The following SPRR2G variants were observed in gnomAD, a reference collection of about 807,000 sequenced individuals.
The protein encoded by SPRR2G is small proline rich protein 2G.
SPRR2G carries 1 observed loss-of-function variant against 0.7 expected under a neutral mutation model. The ratio of observed to expected loss-of-function variants is 1.49; its 90% CI spans 0.53 to 7.06. SPRR2G has a LOEUF of 7.06. SPRR2G is among the 30% of genes most tolerant of loss of function. The probability of loss-of-function intolerance (pLI) is 0.14; values close to 1 mark genes in which losing one functional copy is unlikely to be tolerated. For synonymous variants in SPRR2G, 38 were observed against 33.9 expected (o/e 1.12, Z -0.42); for missense variants, 96 against 88.5 (o/e 1.09, Z -0.34).
chr1:153,162,423 A>T, the SPRR2G span, among the ~76,000 whole-genome samples: 1 of 152,180 alleles, frequency 6.6e-6, no homozygotes, highest in Non-Finnish European at 1.5e-5. Flanking sequence ...TGGAGCAGGG[A>T]GCTACCCAGA....
the SPRR2G span, among the ~76,000 whole-genome samples, chr1:153,159,616 C>T: frequency 6.6e-6 from 1 of 152,172 alleles, no homozygotes; most frequent in Non-Finnish European, 1.5e-5. Flanking sequence ...AGTTTGTTCT[C>T]ACACTGCTAT....
At chr1:153,170,475 T>C in the SPRR2G span, among the ~76,000 whole-genome samples, 1 of 152,038 alleles carries the variant, frequency 6.6e-6, no homozygotes, top group Non-Finnish European at 1.5e-5. Context: ...AAACAGCGTA[T>C]GGCAATGAAA....
At chr1:153,164,558 T>A in the SPRR2G span, among the ~76,000 whole-genome samples, 8 of 152,218 alleles carry the variant, frequency 5.3e-5, no homozygotes, top group Admixed American at 5.2e-4. Context: ...GACCCTCCCA[T>A]AGATACCAAA....
chr1:153,202,742 A>G, the SPRR2G span, among the ~76,000 whole-genome samples: 1 of 152,200 alleles, frequency 6.6e-6, no homozygotes, highest in African/African-American at 2.4e-5. Context: ...TCATGTCACA[A>G]TTTTAATCAA....
the SPRR2G span, among the ~76,000 whole-genome samples, chr1:153,170,814 T>C: frequency 6.6e-6 from 1 of 152,112 alleles, no homozygotes; most frequent in African/African-American, 2.4e-5. Context: ...CACCACCCTC[T>C]GAGAGCCACC....
the SPRR2G span, among the ~76,000 whole-genome samples, chr1:153,161,652 A>G: frequency 6.6e-6 from 1 of 152,164 alleles, no homozygotes; most frequent in Non-Finnish European, 1.5e-5. Flanking sequence ...CTTGCATTAA[A>G]TCATTACCCT....
the SPRR2G span, among the ~76,000 whole-genome samples, chr1:153,165,231 T>C: frequency 5.3e-5 from 8 of 152,116 alleles, 1 homozygote; most frequent in South Asian, 1.7e-3. Flanking sequence ...AGTTAATTGA[T>C]CAAAATATAG....
upstream of SPRR2G, among the ~76,000 whole-genome samples, chr1:153,154,781 G>A (rs1413492479): frequency 6.6e-6 from 1 of 151,870 alleles, no homozygotes; most frequent in Non-Finnish European, 1.5e-5. Flanking sequence ...TTTGTCAAAT[G>A]AGTCATCTAC....
chr1:153,170,175 G>T, the SPRR2G span, among the ~76,000 whole-genome samples: 15 of 152,240 alleles, frequency 9.9e-5, no homozygotes, highest in East Asian at 2.9e-3. Flanking sequence ...TAGTCAGTGG[G>T]AGACTTAAAG....
the SPRR2G span, among the ~76,000 whole-genome samples, chr1:153,181,827 T>C: frequency 6.6e-6 from 1 of 152,064 alleles, no homozygotes; most frequent in African/African-American, 2.4e-5. Flanking sequence ...CATCTGTTGA[T>C]GGACTCTTAG....
chr1:153,175,397 AAGTCC>A, the SPRR2G span, among the ~76,000 whole-genome samples: 1 of 152,178 alleles, frequency 6.6e-6, no homozygotes, highest in Admixed American at 6.5e-5. Flanking sequence ...CTGTTCCCGT[AAGTCC>A]AGTCCATGCA....
upstream of SPRR2G, among the ~76,000 whole-genome samples, chr1:153,153,533 G>A (rs74618485): frequency 9.0e-3 from 1,374 of 152,208 alleles, 51 homozygotes; most frequent in East Asian, 0.1. Flanking sequence ...TTATGAGGCT[G>A]AATTACCTGG....
the SPRR2G span, among the ~76,000 whole-genome samples, chr1:153,185,174 GT>G: frequency 6.6e-6 from 1 of 152,004 alleles, no homozygotes; most frequent in African/African-American, 2.4e-5. Flanking sequence ...TTCTTTTTTT[GT>G]TGTGTCTCTG....
chr1:153,187,398 C>G, the SPRR2G span, among the ~76,000 whole-genome samples: 1 of 152,010 alleles, frequency 6.6e-6, no homozygotes, highest in African/African-American at 2.4e-5. Context: ...TTGTTTGTTC[C>G]TTTTCATTCT....
Position 153,149,593 on chromosome 1 carries a change from A to G in SPRR2G, c.*296T>C. On this transcript the variant is annotated 3_prime_UTR_variant, in exon 2 of 2. Coordinates refer to ENST00000368748, the MANE Select transcript of SPRR2G (RefSeq NM_001014291.4). Reference sequence around the variant, plus strand: ...AAACAAAAGCAATGTGGGCTTGACCATGAAACATGTGCTTTATTGGGGAGA... The same window carrying G: ...AAACAAAAGCAATGTGGGCTTGACCGTGAAACATGTGCTTTATTGGGGAGA... 1 of 476,316 alleles carries G rather than the reference A, an allele frequency of 2.1e-6. No individual in the cohort carries two copies. The highest frequency in any genetic ancestry group is 2.3e-5 in the South Asian group (1 of 44,042). The allele number at this position is 476,316 out of a possible 1,614,324, so 29.5% of individuals were successfully genotyped here. A position where few individuals can be genotyped will look rare whatever the true frequency, so the allele number is the denominator to read the frequency against.
chr1:153,191,518 A>G, the SPRR2G span: 1 of 152,274 alleles, frequency 6.6e-6, no homozygotes, highest in Non-Finnish European at 1.5e-5. Flanking sequence ...AGAAAATAAC[A>G]CATTTTACAT....
chr1:153,149,649 A>T lies in SPRR2G; in HGVS notation c.*240T>A, dbSNP rs891352025. On this transcript the variant is annotated 3_prime_UTR_variant, in exon 2 of 2. Coordinates refer to ENST00000368748, the MANE Select transcript of SPRR2G (RefSeq NM_001014291.4). Reference sequence around the variant, plus strand: ...AAGAATAAACACACTTGCTCTCAGGATAGGAACCACCATCTACATCACAGA... The same window carrying T: ...AAGAATAAACACACTTGCTCTCAGGTTAGGAACCACCATCTACATCACAGA... 1.7e-6 allele frequency: 1 copy of T among 593,570 alleles called. No individual in the cohort carries two copies. Among genetic ancestry groups the T allele is most frequent in the Admixed American group, 3.0e-5 (1 of 33,616 alleles). The allele number at this position is 593,570 out of a possible 1,614,324, so 36.8% of individuals were successfully genotyped here. A position where few individuals can be genotyped will look rare whatever the true frequency, so the allele number is the denominator to read the frequency against.
chr1:153,197,267 T>G, the SPRR2G span, among the ~76,000 whole-genome samples: 1 of 151,838 alleles, frequency 6.6e-6, no homozygotes. Flanking sequence ...CTTGAGTCCA[T>G]CTCTGCTTGG....
the SPRR2G span, among the ~76,000 whole-genome samples, chr1:153,198,588 G>A: frequency 6.6e-6 from 1 of 152,144 alleles, no homozygotes; most frequent in Non-Finnish European, 1.5e-5. Context: ...TTGGTGTGAG[G>A]TTGAGTAGGA....
Sources: allele counts gnomAD v4.1 joint callset (sites outside exome capture counted in the v4.1 genomes callset), GRCh38; gene constraint gnomAD v4.1.1; transcripts MANE v1.5; gene names NCBI Gene and HGNC (gene_info 2026-07-23, HGNC 2026-07-21).